ASB2: variants seen among roughly 807,000 people sequenced by gnomAD.
ASB2 encodes the protein ankyrin repeat and SOCS box containing 2.
Under a neutral mutation model 62.4 loss-of-function variants are expected in ASB2, and 58 were observed. That is an observed-to-expected ratio of 0.93 (90% CI 0.75 to 1.16). ASB2 has a LOEUF of 1.16. Ranked by LOEUF, ASB2 falls within the 50% of genes most tolerant of loss-of-function variation. The pLI, the probability that ASB2 is intolerant of heterozygous loss-of-function variation, is 0.00. For missense variants in ASB2, 928 were observed against 887.9 expected, an observed-to-expected ratio of 1.05 and a Z score of -0.57; for synonymous variants, 386 against 385.3, an observed-to-expected ratio of 1.00 and a Z score of -0.02.
chr14:93,962,406 C>T (rs1185381076), intron 2 of ASB2, among the ~76,000 whole-genome samples: 1 of 152,196 alleles, frequency 6.6e-6, no homozygotes, highest in Admixed American at 6.5e-5. Flanking sequence ...GGCCCAAGCC[C>T]AGCCTCCTTC....
intron 9 of ASB2, among the ~76,000 whole-genome samples, chr14:93,937,209 T>C (rs1350606112): frequency 6.6e-6 from 1 of 152,208 alleles, no homozygotes; most frequent in Non-Finnish European, 1.5e-5. Flanking sequence ...TGGTGTCACC[T>C]GGGAGCCTGT....
At chr14:93,954,635 A>T in intron 3 of ASB2, 152 bp from the exon 4 acceptor site, 1 of 672,280 alleles carries the variant, frequency 1.5e-6, no homozygotes, top group Admixed American at 2.9e-5. Flanking sequence ...CAGTGGCTGC[A>T]AGAGGACTGG....
chr14:93,951,860 A>G (rs1042663491), intron 5 of ASB2, among the ~76,000 whole-genome samples: 1 of 152,218 alleles, frequency 6.6e-6, no homozygotes, highest in African/African-American at 2.4e-5. Flanking sequence ...GCACGTTGTG[A>G]GTACAGCTCC....
At chr14:93,951,326 T>G in intron 5 of ASB2, 82 bp from the exon 6 acceptor site, 1 of 1,470,666 alleles carries the variant, frequency 6.8e-7, no homozygotes, top group Non-Finnish European at 9.1e-7. Context: ...CGCCTGTCCA[T>G]TCACTCATCC....
chr14:93,942,713 G>A (rs2141277922), intron 7 of ASB2, among the ~76,000 whole-genome samples: 1 of 152,348 alleles, frequency 6.6e-6, no homozygotes, highest in Admixed American at 6.5e-5. Flanking sequence ...TGGGCAGTGG[G>A]GAAACTGGGA....
chr14:93,935,167 T>C (rs896676798), intron 9 of ASB2, among the ~76,000 whole-genome samples: 4 of 152,126 alleles, frequency 2.6e-5, no homozygotes, highest in Admixed American at 2.6e-4. Context: ...AACACAGCCT[T>C]AGCAATGGGG....
chr14:93,939,125 CCTT>C lies in ASB2; in HGVS notation c.1597_1599del (p.Lys533del). On this transcript the variant is annotated inframe_deletion, in exon 8 of 10. Transcript: ENST00000555019. ...CTGCCCACCTGCACCACGCTGGGCTCCTTGTCGGCCGCGGGCGCGTCGTTGAAC... is the reference window on the plus strand; with the variant it reads ...CTGCCCACCTGCACCACGCTGGGCTCGTCGGCCGCGGGCGCGTCGTTGAAC... 5 of 1,527,874 alleles carry C rather than the reference CCTT, an allele frequency of 3.3e-6. No homozygotes were observed. Among genetic ancestry groups the C allele is most frequent in the Non-Finnish European group, 4.4e-6 (5 of 1,133,574 alleles). The allele number at this position is 1,527,874 out of a possible 1,614,324, so 94.6% of individuals were successfully genotyped here. A position where few individuals can be genotyped will look rare whatever the true frequency, so the allele number is the denominator to read the frequency against.
intron 3 of ASB2, among the ~76,000 whole-genome samples, chr14:93,956,370 AAGG>A (rs1889202257): frequency 6.6e-6 from 1 of 152,178 alleles, no homozygotes; most frequent in South Asian, 2.1e-4. Context: ...GGACAAACAG[AAGG>A]GTGCAGCCAA....
chr14:93,953,318 C>T (rs750833516), intron 5 of ASB2, 34 bp downstream of exon 5: 12 of 1,507,086 alleles, frequency 8.0e-6, no homozygotes, highest in Middle Eastern at 1.8e-4. Context: ...TGGATTCTTC[C>T]GCAGGAAAGC....
chr14:93,934,485 C>G lies in ASB2; in HGVS notation c.*171G>C, dbSNP rs1783610324. The stretch of plus-strand genomic sequence containing the variant: ...TGACACATTCTGTTCTCTGCTCTGG[C>G]CAAAGCTCTGGGCCCTGAGACCCAG... On this transcript the variant is annotated 3_prime_UTR_variant, in exon 10 of 10. Coordinates refer to ENST00000555019, the MANE Select transcript of ASB2 (RefSeq NM_001202429.2). 1 of 620,240 alleles carries G rather than the reference C, an allele frequency of 1.6e-6. No individual in the cohort carries two copies. The highest frequency in any genetic ancestry group is 2.8e-6 in the Non-Finnish European group (1 of 356,844). 38.4% of individuals were successfully genotyped at this position (620,240 alleles called of 1,614,324 possible). A position where few individuals can be genotyped will look rare whatever the true frequency, so the allele number is the denominator to read the frequency against.
intron 1 of ASB2, among the ~76,000 whole-genome samples, chr14:93,966,090 T>C (rs1889583797): frequency 6.6e-6 from 1 of 152,254 alleles, no homozygotes; most frequent in African/African-American, 2.4e-5. Flanking sequence ...GACTTGACCC[T>C]GGATCCTCTT....
intron 2 of ASB2, among the ~76,000 whole-genome samples, chr14:93,961,057 C>T (rs948631345): frequency 1.3e-5 from 2 of 152,048 alleles, no homozygotes; most frequent in African/African-American, 4.8e-5. Flanking sequence ...GGAGGGTGTC[C>T]CAGGAAGACC....
intron 1 of ASB2, among the ~76,000 whole-genome samples, chr14:93,972,589 C>T (rs923178340): frequency 6.6e-6 from 1 of 152,182 alleles, no homozygotes; most frequent in Non-Finnish European, 1.5e-5. Flanking sequence ...CAGCCTGCGC[C>T]GTCTTCATCA....
chr14:93,958,656 C>T (rs1237056900), intron 2 of ASB2, among the ~76,000 whole-genome samples: 1 of 152,216 alleles, frequency 6.6e-6, no homozygotes, highest in Non-Finnish European at 1.5e-5. Context: ...TCAGCCCTGA[C>T]AGCTGCTGGG....
rs555494167 is a variant in ASB2, at chr14:93,957,562, C to T, written c.207-692G>A. ...TTGACCTTTTCTGTGCCTTAGTCCCCGCTCCTGCAAGGTGGCATGAAAACA... is the reference window on the plus strand; with the variant it reads ...TTGACCTTTTCTGTGCCTTAGTCCCTGCTCCTGCAAGGTGGCATGAAAACA... On this transcript the variant is annotated intron_variant, in intron 2 of 9. Coordinates refer to ENST00000555019, the MANE Select transcript of ASB2 (RefSeq NM_001202429.2). 3.0e-4 allele frequency: 66 copies of T among 221,674 alleles called. 1 individual carries two copies. The South Asian group carries it at 9.0e-3, about 30-fold the overall frequency. 13.7% of individuals were successfully genotyped at this position (221,674 alleles called of 1,614,324 possible).
intron 6 of ASB2, among the ~76,000 whole-genome samples, chr14:93,949,901 C>T (rs1888888219): frequency 6.6e-6 from 1 of 152,140 alleles, no homozygotes; most frequent in Non-Finnish European, 1.5e-5. Context: ...GGGCCTGCAC[C>T]TATGTTCCCC....
In ASB2 at chr14:93,964,626, A is replaced by C; in HGVS notation, c.-73-14T>G. 1 of 1,247,664 alleles carries C rather than the reference A, an allele frequency of 8.0e-7. No homozygotes were observed. Among genetic ancestry groups the C allele is most frequent in the Non-Finnish European group, 1.1e-6 (1 of 885,936 alleles). 77.3% of individuals were successfully genotyped at this position (1,247,664 alleles called of 1,614,324 possible). A position where few individuals can be genotyped will look rare whatever the true frequency, so the allele number is the denominator to read the frequency against. On this transcript the variant is annotated splice_polypyrimidine_tract_variant and intron_variant, in intron 1 of 9. Coordinates refer to ENST00000555019, the MANE Select transcript of ASB2 (RefSeq NM_001202429.2). ...AATCAGAAAACCCTGTGAGGAAACC[A>C]AAACCATCCTGGTCACGAACAGTTT...
At chr14:93,952,977 C>T (rs754141004) in intron 5 of ASB2, among the ~76,000 whole-genome samples, 1 of 152,206 alleles carries the variant, frequency 6.6e-6, no homozygotes, top group South Asian at 2.1e-4. Context: ...GCTTGGCCAG[C>T]AGGTGATTCC....
In ASB2 at chr14:93,939,608, G is replaced by T. The variant is rs903973007; in HGVS notation, c.1117C>A (p.Leu373Met). 2 of 1,558,650 alleles carry T rather than the reference G, an allele frequency of 1.3e-6. No individual in the cohort carries two copies. Among genetic ancestry groups the T allele is most frequent in the African/African-American group, 1.4e-5 (1 of 73,378 alleles). Residue 373 changes from leucine to methionine, a missense_variant, in exon 8 of 10, where the codon CTG becomes ATG. Transcript: ENST00000555019. ...TGGTTGCGCTCGGCCGCCAGGTGCA[G>T]CGGACTGACGCCGCTACGGCGTATG... Reference protein sequence around the residue: ...TRIRRSGVSPLHLAAERNHDE... With the variant: ...TRIRRSGVSPMHLAAERNHDE...
Sources: allele counts gnomAD v4.1 joint callset (sites outside exome capture counted in the v4.1 genomes callset), GRCh38; gene constraint gnomAD v4.1.1; transcripts MANE v1.5; gene names NCBI Gene and HGNC (gene_info 2026-07-23, HGNC 2026-07-21).